The following NALCN variants were observed in gnomAD, a reference collection of about 807,000 sequenced individuals.
The protein encoded by NALCN is sodium leak channel, non-selective.
NALCN carries 111 observed loss-of-function variants against 225.3 expected under a neutral mutation model. The observed-to-expected ratio is 0.49, with a 90% CI of 0.42 to 0.58. The LOEUF (loss-of-function observed/expected upper bound fraction) is 0.58, where lower values mean the gene tolerates loss of function less well. Among genes scored for constraint, NALCN ranks in the 20% least tolerant of loss-of-function variants. NALCN has a pLI of 0.00. For missense variants in NALCN, 1,378 were observed against 2,202.4 expected (o/e 0.63, Z 7.49); for synonymous variants, 764 against 769.0 (o/e 0.99, Z 0.11).
intron 7 of NALCN, among the ~76,000 whole-genome samples, chr13:101,297,355 T>G (rs2043794928): frequency 1.3e-5 from 2 of 151,996 alleles, no homozygotes. Context: ...TAAGAATGAG[T>G]CAGTACCCAA....
intron 27 of NALCN, among the ~76,000 whole-genome samples, chr13:101,099,187 T>C (rs549008516): frequency 4.8e-4 from 73 of 151,958 alleles, no homozygotes; most frequent in Middle Eastern, 3.2e-3. Context: ...CACAAGCTTG[T>C]GGATGAATGC....
intron 7 of NALCN, among the ~76,000 whole-genome samples, chr13:101,306,212 C>T (rs2044149576): frequency 6.6e-6 from 1 of 152,132 alleles, no homozygotes; most frequent in African/African-American, 2.4e-5. Flanking sequence ...CTAAGGATGC[C>T]CCAGGCCCTC....
intron 7 of NALCN, among the ~76,000 whole-genome samples, chr13:101,320,329 C>G (rs1180875850): frequency 6.6e-6 from 1 of 152,024 alleles, no homozygotes; most frequent in East Asian, 1.9e-4. Context: ...GCTAGAAAAC[C>G]TCTGGTTGTC....
intron 14 of NALCN, among the ~76,000 whole-genome samples, chr13:101,185,627 G>A (rs1370008357): frequency 6.6e-6 from 1 of 152,212 alleles, no homozygotes; most frequent in African/African-American, 2.4e-5. Context: ...ATGTTTGAAA[G>A]GGACAATACA....
chr13:101,134,710 T>G (rs1167629751), intron 17 of NALCN, among the ~76,000 whole-genome samples: 1 of 152,122 alleles, frequency 6.6e-6, no homozygotes, highest in Non-Finnish European at 1.5e-5. Context: ...ACTTAATGGA[T>G]CTGATTTTTT....
At chr13:101,067,534 C>T (rs893312243) in intron 39 of NALCN, among the ~76,000 whole-genome samples, 3 of 152,150 alleles carry the variant, frequency 2.0e-5, no homozygotes, top group East Asian at 1.9e-4. Context: ...TAAATAACTC[C>T]TTTGTACTTT....
intron 37 of NALCN, among the ~76,000 whole-genome samples, chr13:101,073,123 A>T (rs1179516965): frequency 6.6e-6 from 1 of 152,184 alleles, no homozygotes; most frequent in Non-Finnish European, 1.5e-5. Flanking sequence ...AAGACAGGAT[A>T]TAGTAAGAAG....
intron 11 of NALCN, among the ~76,000 whole-genome samples, chr13:101,245,983 G>A (rs764460670): frequency 6.6e-6 from 1 of 152,166 alleles, no homozygotes; most frequent in Non-Finnish European, 1.5e-5. Context: ...CCTCTAGGGG[G>A]TATTTGGACC....
At chr13:101,144,984 A>T in intron 15 of NALCN, 88 bp from the exon 16 acceptor site, 1 of 1,392,470 alleles carries the variant, frequency 7.2e-7, no homozygotes, top group South Asian at 1.6e-5. Flanking sequence ...AATGGAAGCA[A>T]TAAGTAATTA....
chr13:101,225,028 C>A (rs2041086901), intron 13 of NALCN, among the ~76,000 whole-genome samples: 1 of 152,186 alleles, frequency 6.6e-6, no homozygotes, highest in South Asian at 2.1e-4. Context: ...CAACCAATGC[C>A]TCCTGCCTAA....
chr13:101,057,055 C>T (rs1459143579), intron 43 of NALCN: 2 of 152,222 alleles, frequency 1.3e-5, no homozygotes, highest in Non-Finnish European at 2.9e-5. Context: ...ACATCGTCAG[C>T]CTCAAAATGT....
chr13:101,377,423 G>C (rs1594760658), intron 4 of NALCN, among the ~76,000 whole-genome samples: 1 of 151,832 alleles, frequency 6.6e-6, no homozygotes, highest in Admixed American at 6.6e-5. Context: ...ATAGAGAAAG[G>C]GTTAAAATAT....
intron 15 of NALCN, among the ~76,000 whole-genome samples, chr13:101,166,246 CT>C (rs2038432699): frequency 6.6e-6 from 1 of 152,162 alleles, no homozygotes; most frequent in Non-Finnish European, 1.5e-5. Flanking sequence ...ATTTTCATTT[CT>C]TTTGGATATA....
intron 7 of NALCN, among the ~76,000 whole-genome samples, chr13:101,309,116 A>C (rs1207591215): frequency 6.6e-6 from 1 of 152,218 alleles, no homozygotes; most frequent in African/African-American, 2.4e-5. Context: ...ATTTCTCAAG[A>C]AAAAGCATTA....
intron 7 of NALCN, among the ~76,000 whole-genome samples, chr13:101,311,077 T>A (rs1042402487): frequency 4.0e-5 from 6 of 151,538 alleles, no homozygotes; most frequent in African/African-American, 1.5e-4. Flanking sequence ...GTCCTTCACA[T>A]CCCTCGTAAG....
intron 30 of NALCN, among the ~76,000 whole-genome samples, chr13:101,088,685 A>C (rs1208571858): frequency 2.0e-5 from 3 of 152,146 alleles, no homozygotes; most frequent in Non-Finnish European, 4.4e-5. Context: ...GTCTCAAACA[A>C]TAGAGGGCAT....
chr13:101,261,780 A>G (rs502770), intron 10 of NALCN, among the ~76,000 whole-genome samples: 59,960 of 152,050 alleles, frequency 0.39, 12,114 homozygotes, highest in Middle Eastern at 0.48. Context: ...ATAAGATCAT[A>G]TCATCTGCAA....
chr13:101,223,167 C>T (rs2041011188), intron 13 of NALCN, among the ~76,000 whole-genome samples: 1 of 152,140 alleles, frequency 6.6e-6, no homozygotes, highest in South Asian at 2.1e-4. Context: ...GCTAGCCATT[C>T]ACCTCTACAA....
At chr13:101,169,559 A>G (rs1459136086) in intron 15 of NALCN, among the ~76,000 whole-genome samples, 1 of 152,216 alleles carries the variant, frequency 6.6e-6, no homozygotes, top group African/African-American at 2.4e-5. Context: ...TCTTCTTTGA[A>G]TACCCACAGG....
Sources: allele counts gnomAD v4.1 joint callset (sites outside exome capture counted in the v4.1 genomes callset), GRCh38; gene constraint gnomAD v4.1.1; transcripts MANE v1.5; gene names NCBI Gene and HGNC (gene_info 2026-07-23, HGNC 2026-07-21).